The following EYA3 variants were observed in gnomAD, a reference collection of about 807,000 sequenced individuals.
EYA3 encodes the protein protein phosphatase EYA3.
EYA3 carries 39 observed loss-of-function variants against 80.0 expected under a neutral mutation model. The observed-to-expected ratio is 0.49, with a 90% CI of 0.38 to 0.64. The LOEUF is 0.64. Ranked by LOEUF, EYA3 falls within the 30% of genes least tolerant of loss-of-function variation. The pLI is 0.00. For missense variants in EYA3, 523 were observed against 676.1 expected (o/e 0.77, Z 2.51); for synonymous variants, 206 against 232.8 (o/e 0.88, Z 1.05).
At chr1:28,060,007 G>A (rs1055538948) in intron 1 of EYA3, among the ~76,000 whole-genome samples, 1 of 152,014 alleles carries the variant, frequency 6.6e-6, no homozygotes, top group African/African-American at 2.4e-5. Context: ...GCATACACCT[G>A]GCCAAGTTGT....
At chr1:28,032,850 G>T (rs763179930) in intron 6 of EYA3, among the ~76,000 whole-genome samples, 6 of 152,116 alleles carry the variant, frequency 3.9e-5, no homozygotes, top group Admixed American at 6.5e-5. Context: ...CCATCTTTTT[G>T]ATATAGACCT....
At chr1:28,052,495 C>G (rs1571903757) in intron 2 of EYA3, among the ~76,000 whole-genome samples, 1 of 152,106 alleles carries the variant, frequency 6.6e-6, no homozygotes, top group South Asian at 2.1e-4. Context: ...AAAAGTGCCA[C>G]GATGATTCAA....
chr1:28,066,608 C>T (rs1425408234), intron 1 of EYA3, among the ~76,000 whole-genome samples: 1 of 151,646 alleles, frequency 6.6e-6, no homozygotes, highest in African/African-American at 2.4e-5. Flanking sequence ...GAAAACAGAA[C>T]AGTAAGCTTA....
intron 1 of EYA3, among the ~76,000 whole-genome samples, chr1:28,077,872 C>T (rs1165758239): frequency 1.3e-5 from 2 of 152,134 alleles, no homozygotes; most frequent in Non-Finnish European, 2.9e-5. Flanking sequence ...ACCTATATAT[C>T]TCATCTATAC....
intron 1 of EYA3, among the ~76,000 whole-genome samples, chr1:28,070,576 GA>G (rs1644987379): frequency 1.3e-5 from 2 of 151,346 alleles, no homozygotes; most frequent in Admixed American, 6.6e-5. Flanking sequence ...AAAAGAGAAA[GA>G]AATGTAAATA....
intron 2 of EYA3, among the ~76,000 whole-genome samples, chr1:28,053,538 C>T (rs991047648): frequency 5.3e-5 from 8 of 152,240 alleles, no homozygotes; most frequent in South Asian, 2.1e-4. Flanking sequence ...TAATTCACTG[C>T]GTGTCTTTTC....
At chr1:27,986,201 A>T (rs1232716408) in intron 16 of EYA3, among the ~76,000 whole-genome samples, 1 of 151,632 alleles carries the variant, frequency 6.6e-6, no homozygotes, top group Non-Finnish European at 1.5e-5. Context: ...CCCCGTCTCT[A>T]CTAAAAATAT....
At chr1:28,083,623 T>C (rs1645509613) in intron 1 of EYA3, among the ~76,000 whole-genome samples, 1 of 152,258 alleles carries the variant, frequency 6.6e-6, no homozygotes, top group Non-Finnish European at 1.5e-5. Context: ...GTAAGTGCTG[T>C]ATAAAGTTCA....
chr1:28,041,504 G>A (rs2148861136), intron 4 of EYA3, among the ~76,000 whole-genome samples: 1 of 152,136 alleles, frequency 6.6e-6, no homozygotes, highest in African/African-American at 2.4e-5. Context: ...AGTGAGTCGA[G>A]ATTGTGCCAC....
intron 1 of EYA3, among the ~76,000 whole-genome samples, chr1:28,082,146 T>C (rs1226365257): frequency 6.6e-6 from 1 of 152,162 alleles, no homozygotes; most frequent in Non-Finnish European, 1.5e-5. Context: ...AATGTCTCAA[T>C]TAATAAGAGT....
At chr1:28,068,944 C>T (rs1644927142) in intron 1 of EYA3, among the ~76,000 whole-genome samples, 1 of 151,854 alleles carries the variant, frequency 6.6e-6, no homozygotes, top group South Asian at 2.1e-4. Context: ...GTAGCTGGGA[C>T]TACAGGTGTC....
At chr1:28,018,531 A>G (rs1036346416) in intron 7 of EYA3, among the ~76,000 whole-genome samples, 4 of 152,324 alleles carry the variant, frequency 2.6e-5, no homozygotes, top group Middle Eastern at 6.8e-3. Context: ...CCCCATTAAC[A>G]AAGTCCCCCA....
rs1324448782 is a variant in EYA3, at chr1:28,027,921, A to G, written c.367T>C (p.Leu123=). ...QTYGLPPFGA[L]WPGMKPESGL... ...CTTTCAGGTTTCATACCTGGCCACA[A>G]TGCACCTGAATCAGATAAATTGGAC... The change falls in exon 7 of 18, where the codon TTG becomes CTG. Residue 123 remains leucine, a synonymous_variant. Coordinates refer to ENST00000373871, the MANE Select transcript of EYA3 (RefSeq NM_001990.4). 6 of 1,613,988 alleles carry G rather than the reference A, an allele frequency of 3.7e-6. No homozygotes were observed. The African/African-American group carries it at 4.0e-5, about 11-fold the overall frequency.
intron 1 of EYA3, among the ~76,000 whole-genome samples, chr1:28,071,475 C>T (rs1319413039): frequency 6.6e-6 from 1 of 152,212 alleles, no homozygotes; most frequent in African/African-American, 2.4e-5. Context: ...CTTTGTAACA[C>T]TGTGCTTAGC....
At chr1:28,073,103 T>TTATATA (rs201041762) in intron 1 of EYA3, among the ~76,000 whole-genome samples, 13 of 37,750 alleles carry the variant, frequency 3.4e-4, no homozygotes, top group African/African-American at 8.0e-4. Flanking sequence ...GATGAAACTA[T>TTATATA]TATATATATA....
Position 27,981,334 on chromosome 1 carries a change from CAG to C in EYA3, c.1541-2862_1541-2861del, listed in dbSNP as rs371422054. On this transcript the variant is annotated intron_variant, in intron 16 of 17. Coordinates refer to ENST00000373871, the MANE Select transcript of EYA3 (RefSeq NM_001990.4). ...AATACCAAATAAGCACACTTACTGA[CAG>C]AGGGAATGAGATCATTTCCATTAGC... Among the ~76,000 whole-genome samples the C allele has an allele frequency of 3.4e-3, 524 of 152,234 alleles. 2 individuals carry two copies. The highest frequency in any genetic ancestry group is 0.012 in the African/African-American group (498 of 41,548).
chr1:27,977,333 C>G (rs1258333122), intron 17 of EYA3: 2 of 1,550,528 alleles, frequency 1.3e-6, no homozygotes. Context: ...TGAAGAGTAT[C>G]AGGGCAGTTG....
rs1174140898 is a variant in EYA3, at chr1:27,971,125, G to A, written c.*3341C>T. ...ATGGGCATCTAAATCTGGAGCAGGT[G>A]TCCATTCTTCTGGACACTACCAGCT... is the stretch of plus-strand genomic sequence containing the variant. On this transcript the variant is annotated 3_prime_UTR_variant, in exon 18 of 18. Coordinates refer to ENST00000373871, the MANE Select transcript of EYA3 (RefSeq NM_001990.4). 6.6e-6 allele frequency: 1 copy of A among 152,246 alleles called. No homozygotes were observed. The highest frequency in any genetic ancestry group is 1.5e-5 in the Non-Finnish European group (1 of 68,056). The allele number at this position is 152,246 out of a possible 1,614,324, so 9.4% of individuals were successfully genotyped here. A position where few individuals can be genotyped will look rare whatever the true frequency, so the allele number is the denominator to read the frequency against.
chr1:28,016,002 A>G (rs574412355), intron 8 of EYA3, among the ~76,000 whole-genome samples: 2 of 152,358 alleles, frequency 1.3e-5, no homozygotes, highest in East Asian at 3.9e-4. Flanking sequence ...AATGTCAATC[A>G]GTTGGAAGCT....
Sources: gnomAD v4.1 joint callset for allele counts (sites outside exome capture counted in the v4.1 genomes callset) on GRCh38, gnomAD v4.1.1 for gene constraint, MANE v1.5 for transcripts, NCBI Gene and HGNC (gene_info 2026-07-23, HGNC 2026-07-21) for gene names.